TGFB2: variants seen among roughly 807,000 people sequenced by gnomAD.
TGFB2 encodes transforming growth factor beta-2 proprotein.
In TGFB2, 13 loss-of-function variants were observed where a neutral mutation model predicts 42.7. The observed-to-expected ratio is 0.30, with a 90% CI of 0.20 to 0.48. The LOEUF (loss-of-function observed/expected upper bound fraction) is 0.48, where lower values mean the gene tolerates loss of function less well. Ranked by LOEUF, TGFB2 falls within the 20% of genes least tolerant of loss-of-function variation. TGFB2 has a pLI of 0.99. For missense variants in TGFB2, 390 were observed against 517.5 expected (o/e 0.75, Z 2.39); for synonymous variants, 193 against 193.6 (o/e 1.00, Z 0.03).
intron 2 of TGFB2, among the ~76,000 whole-genome samples, chr1:218,415,358 A>C (rs930404896): frequency 6.6e-6 from 1 of 152,058 alleles, no homozygotes; most frequent in Non-Finnish European, 1.5e-5. Flanking sequence ...GGTCTCCTTC[A>C]AGAATATTTT....
In TGFB2 at chr1:218,434,463, G is replaced by A. The variant is rs1352979149; in HGVS notation, c.754+15G>A. ...AAGATTTGCAGGTAACCAAAACTTG[G>A]TCATATGAGGTGGGGGAGGGAAGGG... On this transcript the variant is annotated intron_variant, in intron 4 of 6. Transcript: ENST00000366930. The A allele has an allele frequency of 1.3e-6, 2 of 1,512,472 alleles. No individual in the cohort carries two copies. The highest frequency in any genetic ancestry group is 1.8e-6 in the Non-Finnish European group (2 of 1,088,956). The allele number at this position is 1,512,472 out of a possible 1,614,324, so 93.7% of individuals were successfully genotyped here.
At chr1:218,367,260 A>C (rs989707319) in intron 1 of TGFB2, among the ~76,000 whole-genome samples, 2 of 152,288 alleles carry the variant, frequency 1.3e-5, no homozygotes, top group South Asian at 4.2e-4. Context: ...TGGTGGCCTG[A>C]ATCGTGTTCT....
intron 2 of TGFB2, among the ~76,000 whole-genome samples, chr1:218,426,261 G>A (rs372044842): frequency 6.6e-5 from 10 of 152,334 alleles, no homozygotes; most frequent in African/African-American, 2.4e-4. Flanking sequence ...TCTCATAGAC[G>A]TGTAAGAGAT....
chr1:218,416,702 G>C (rs1240263390), intron 2 of TGFB2, among the ~76,000 whole-genome samples: 2 of 152,118 alleles, frequency 1.3e-5, no homozygotes, highest in African/African-American at 4.8e-5. Context: ...TTTCCACCCT[G>C]GCCCCTTGAT....
At chr1:218,387,975 AATGACTGTG>A (rs758425820) in intron 1 of TGFB2, among the ~76,000 whole-genome samples, 1 of 151,872 alleles carries the variant, frequency 6.6e-6, no homozygotes, top group Non-Finnish European at 1.5e-5. Flanking sequence ...TCTACATGGA[AATGACTGTG>A]ATCTGGAAGG....
chr1:218,350,181 T>C (rs1481461888), intron 1 of TGFB2, among the ~76,000 whole-genome samples: 1 of 152,194 alleles, frequency 6.6e-6, no homozygotes, highest in East Asian at 1.9e-4. Flanking sequence ...CTGTAGAGAG[T>C]CCGACAATCA....
At chr1:218,430,628 A>G (rs1659777195) in intron 2 of TGFB2, among the ~76,000 whole-genome samples, 1 of 152,184 alleles carries the variant, frequency 6.6e-6, no homozygotes, top group Admixed American at 6.5e-5. Context: ...CTTCTCTTAC[A>G]GTTCAATTTA....
intron 6 of TGFB2, among the ~76,000 whole-genome samples, chr1:218,440,359 A>G (rs1174253830): frequency 6.7e-6 from 1 of 148,784 alleles, no homozygotes; most frequent in African/African-American, 2.5e-5. Context: ...TTTTTTTTTA[A>G]TGAAAATTGA....
At chr1:218,405,090 G>T in intron 1 of TGFB2, 79 bp from the exon 2 acceptor site, 1 of 1,438,724 alleles carries the variant, frequency 7.0e-7, no homozygotes. Flanking sequence ...ATGGTTTCTT[G>T]GGATTATCTC....
rs544076823 is a variant in TGFB2 at position 218,350,819 on chromosome 1, AAAG to A, written c.346+3776_346+3778del. 4.6e-4 allele frequency among the ~76,000 whole-genome samples: 70 copies of A among 152,358 alleles called. 1 individual carries two copies. In the South Asian group the frequency reaches 0.014, roughly 31 times the overall value. On this transcript the variant is annotated intron_variant, in intron 1 of 6. Coordinates refer to ENST00000366930, the MANE Select transcript of TGFB2 (RefSeq NM_003238.6). The stretch of plus-strand genomic sequence containing the variant: ...GCAGTGTGATGTTAGAACAGAGAAA[AAAG>A]AAGTGAGGAATTATCATGGATTCCC...
At chr1:218,353,760 T>C (rs139079204) in intron 1 of TGFB2, among the ~76,000 whole-genome samples, 67 of 152,266 alleles carry the variant, frequency 4.4e-4, no homozygotes, top group African/African-American at 1.5e-3. Context: ...CCTGGTGGTA[T>C]GTGCCTGTAG....
intron 4 of TGFB2, among the ~76,000 whole-genome samples, chr1:218,435,400 T>C (rs892596829): frequency 6.6e-6 from 1 of 152,164 alleles, no homozygotes; most frequent in Non-Finnish European, 1.5e-5. Flanking sequence ...CAGGAAAGTG[T>C]TGAGGATGCC....
intron 2 of TGFB2, among the ~76,000 whole-genome samples, chr1:218,426,281 A>G (rs1659622703): frequency 6.6e-6 from 1 of 152,226 alleles, no homozygotes; most frequent in Non-Finnish European, 1.5e-5. Flanking sequence ...TGTTGCCCTT[A>G]GTGTCTAACC....
intron 1 of TGFB2, among the ~76,000 whole-genome samples, chr1:218,394,106 T>C (rs969987311): frequency 6.6e-6 from 1 of 152,150 alleles, no homozygotes; most frequent in Non-Finnish European, 1.5e-5. Context: ...AGACGGGGTT[T>C]CACTGCGTTA....
At chr1:218,360,518 G>C (rs1359357368) in intron 1 of TGFB2, among the ~76,000 whole-genome samples, 1 of 152,142 alleles carries the variant, frequency 6.6e-6, no homozygotes, top group East Asian at 1.9e-4. Context: ...TGTCAGTGGG[G>C]ATGGGGTAGG....
chr1:218,383,944 C>T (rs1171709467), intron 1 of TGFB2, among the ~76,000 whole-genome samples: 1 of 152,216 alleles, frequency 6.6e-6, no homozygotes, highest in Admixed American at 6.5e-5. Flanking sequence ...AATGCTTTTC[C>T]TCCTCCCTTT....
intron 1 of TGFB2, among the ~76,000 whole-genome samples, chr1:218,398,434 T>A (rs754266632): frequency 1.3e-5 from 2 of 152,314 alleles, no homozygotes; most frequent in East Asian, 3.9e-4. Flanking sequence ...ACCCTAGACA[T>A]CATTGGGGGA....
rs555532352 is a variant in TGFB2 at position 218,381,265 on chromosome 1, T to G, written c.347-23904T>G. On this transcript the variant is annotated intron_variant, in intron 1 of 6. Transcript: ENST00000366930. Reference sequence around the variant, plus strand: ...ATTTTTGTTTTTGTTTTTGTTTTTTTTTTTTTTTGAGACAGAGTCTCGCTC... The same window carrying G: ...ATTTTTGTTTTTGTTTTTGTTTTTTGTTTTTTTTGAGACAGAGTCTCGCTC... 6.0e-4 allele frequency among the ~76,000 whole-genome samples: 91 copies of G among 150,624 alleles called. 1 individual carries two copies. Among genetic ancestry groups the G allele is most frequent in the African/African-American group, 2.1e-3 (84 of 40,906 alleles).
chr1:218,360,535 A>G (rs2102542874), intron 1 of TGFB2, among the ~76,000 whole-genome samples: 1 of 152,284 alleles, frequency 6.6e-6, no homozygotes, highest in African/African-American at 2.4e-5. Flanking sequence ...TAGGGAGAGC[A>G]TCAGGATTCA....
Sources: allele counts gnomAD v4.1 joint callset (sites outside exome capture counted in the v4.1 genomes callset), GRCh38; gene constraint gnomAD v4.1.1; transcripts MANE v1.5; gene names NCBI Gene and HGNC (gene_info 2026-07-23, HGNC 2026-07-21).